RALGAPA2: variants seen among roughly 807,000 people sequenced by gnomAD.
RALGAPA2 encodes ral GTPase-activating protein subunit alpha-2.
Under a neutral mutation model 230.4 loss-of-function variants are expected in RALGAPA2, and 139 were observed. That is an observed-to-expected ratio of 0.60 (90% confidence interval 0.53 to 0.69). RALGAPA2 has a LOEUF of 0.69. Ranked by LOEUF, RALGAPA2 falls within the 30% of genes least tolerant of loss-of-function variation. The probability of loss-of-function intolerance (pLI) is 0.00; values close to 1 mark genes in which losing one functional copy is unlikely to be tolerated. For missense variants in RALGAPA2, 2,163 were observed against 2,276.0 expected (o/e 0.95, Z 1.01); for synonymous variants, 847 against 837.8 (o/e 1.01, Z -0.19).
rs752529993 is a variant in RALGAPA2 at position 20,546,764 on chromosome 20, T to C, written c.3225A>G (p.Ser1075=). ...RFFSLGFPGF[S]MLVGDFITAA... ...CCGTGATGAAGTCCCCCACCAGCATTGAGAAGCCAGGAAAACCCAGGGAGA... is the reference window on the plus strand; with the variant it reads ...CCGTGATGAAGTCCCCCACCAGCATCGAGAAGCCAGGAAAACCCAGGGAGA... Residue 1075 remains serine (S), a synonymous_variant, in exon 24 of 40, where the codon TCA becomes TCG. Coordinates refer to ENST00000202677, the MANE Select transcript of RALGAPA2 (RefSeq NM_020343.4). 2 of 1,611,610 alleles carry C rather than the reference T, an allele frequency of 1.2e-6. No individual in the cohort carries two copies.
At chr20:20,584,536 T>C (rs1171178384) in intron 19 of RALGAPA2, among the ~76,000 whole-genome samples, 1 of 152,206 alleles carries the variant, frequency 6.6e-6, no homozygotes, top group Non-Finnish European at 1.5e-5. Flanking sequence ...TTACTCAAGT[T>C]AGAAGGTAAA....
chr20:20,486,239 ATT>A (rs746713884), intron 36 of RALGAPA2, among the ~76,000 whole-genome samples: 3 of 143,500 alleles, frequency 2.1e-5, no homozygotes, highest in Admixed American at 6.9e-5. Flanking sequence ...GACTTCTATA[ATT>A]TTTTTTTTTT....
chr20:20,455,984 CA>C (rs1176348649), intron 37 of RALGAPA2, among the ~76,000 whole-genome samples: 1 of 152,204 alleles, frequency 6.6e-6, no homozygotes, highest in East Asian at 1.9e-4. Flanking sequence ...TCAAGGAAAT[CA>C]AGTGTAACAG....
chr20:20,710,763 C>T (rs1402095021), intron 1 of RALGAPA2, among the ~76,000 whole-genome samples: 1 of 152,196 alleles, frequency 6.6e-6, no homozygotes, highest in Non-Finnish European at 1.5e-5. Context: ...TCTAGGTTTA[C>T]TTGATTCTGC....
chr20:20,616,235 A>G (rs1568654414), intron 12 of RALGAPA2, 44 bp from the exon 13 acceptor site: 3 of 1,334,844 alleles, frequency 2.2e-6, no homozygotes, highest in Non-Finnish European at 3.0e-6. Context: ...ACTGAACATA[A>G]ACATTTGAAT....
At chr20:20,417,651 G>A (rs909705854) in intron 37 of RALGAPA2, among the ~76,000 whole-genome samples, 5 of 152,132 alleles carry the variant, frequency 3.3e-5, no homozygotes, top group Non-Finnish European at 5.9e-5. Context: ...TTGGGACCAT[G>A]GTTTACTTCA....
chr20:20,615,909 C>T, intron 13 of RALGAPA2, 134 bp downstream of exon 13: 1 of 646,684 alleles, frequency 1.5e-6, no homozygotes, highest in Non-Finnish European at 2.4e-6. Flanking sequence ...TCATAATTCA[C>T]AGAAACTGTT....
chr20:20,561,419 C>CA (rs1461203205), intron 23 of RALGAPA2, among the ~76,000 whole-genome samples: 6 of 152,218 alleles, frequency 3.9e-5, no homozygotes, highest in African/African-American at 1.4e-4. Flanking sequence ...TCCTTTCATA[C>CA]ATACAGTGCC....
intron 10 of RALGAPA2, among the ~76,000 whole-genome samples, chr20:20,624,281 C>G (rs559379579): frequency 1.4e-5 from 2 of 146,998 alleles, no homozygotes; most frequent in South Asian, 4.2e-4. Flanking sequence ...GAGCCAAGAT[C>G]GCACCACTGC....
In RALGAPA2 at chr20:20,511,551, T is replaced by C. The variant is rs968852791; in HGVS notation, c.4857-226A>G. On this transcript the variant is annotated intron_variant, in intron 32 of 39. Coordinates refer to ENST00000202677, the MANE Select transcript of RALGAPA2 (RefSeq NM_020343.4). ...CTACCCAGTGACACAGATGGCTCTT[T>C]GGTGAGTATGTGACTTACATGCATG... Among the ~76,000 whole-genome samples the C allele has an allele frequency of 2.0e-5, 3 of 152,196 alleles. No individual in the cohort carries two copies. In the East Asian group the frequency reaches 5.8e-4, roughly 29 times the overall value.
intron 37 of RALGAPA2, among the ~76,000 whole-genome samples, chr20:20,423,788 CAACAATGT>C (rs1314629837): frequency 1.3e-5 from 2 of 152,192 alleles, no homozygotes; most frequent in East Asian, 3.9e-4. Flanking sequence ...TGACTTTACT[CAACAATGT>C]AACCAAATAA....
At chr20:20,448,596 T>G (rs2060916998) in intron 37 of RALGAPA2, among the ~76,000 whole-genome samples, 1 of 152,208 alleles carries the variant, frequency 6.6e-6, no homozygotes, top group Non-Finnish European at 1.5e-5. Flanking sequence ...GTTACTCCAT[T>G]ATTTTTAATA....
intron 9 of RALGAPA2, among the ~76,000 whole-genome samples, chr20:20,632,014 T>G (rs1215950077): frequency 1.3e-5 from 2 of 151,350 alleles, no homozygotes; most frequent in Admixed American, 6.6e-5. Flanking sequence ...TCCTGGCCCA[T>G]TCACACACCC....
chr20:20,433,169 C>T (rs1026658765), intron 37 of RALGAPA2, among the ~76,000 whole-genome samples: 1 of 152,246 alleles, frequency 6.6e-6, no homozygotes, highest in Admixed American at 6.5e-5. Context: ...AATTGTGTGC[C>T]CAAATTATCT....
chr20:20,426,304 A>C (rs1222226687), intron 37 of RALGAPA2, among the ~76,000 whole-genome samples: 2 of 152,226 alleles, frequency 1.3e-5, no homozygotes, highest in Non-Finnish European at 2.9e-5. Context: ...TGGTCATGAA[A>C]ATTCCCAGGG....
chr20:20,441,951 G>C (rs1047578431), intron 37 of RALGAPA2, among the ~76,000 whole-genome samples: 6 of 152,148 alleles, frequency 3.9e-5, no homozygotes, highest in Non-Finnish European at 8.8e-5. Context: ...AAAATTTACT[G>C]TTTTTCAGAA....
intron 37 of RALGAPA2, among the ~76,000 whole-genome samples, chr20:20,439,125 C>T (rs554928245): frequency 6.6e-6 from 1 of 152,230 alleles, no homozygotes; most frequent in East Asian, 1.9e-4. Flanking sequence ...AGTCACTCTC[C>T]CAATTTATTA....
At chr20:20,706,971 C>T (rs972406632) in intron 1 of RALGAPA2, among the ~76,000 whole-genome samples, 1 of 152,120 alleles carries the variant, frequency 6.6e-6, no homozygotes, top group Admixed American at 6.5e-5. Flanking sequence ...TATATGATAG[C>T]ATTCTATCAT....
intron 37 of RALGAPA2, among the ~76,000 whole-genome samples, chr20:20,470,555 G>A (rs1286632647): frequency 6.6e-6 from 1 of 152,142 alleles, no homozygotes; most frequent in Non-Finnish European, 1.5e-5. Flanking sequence ...ATCTCCCCAA[G>A]GGCTGAGGAG....
Sources: allele counts gnomAD v4.1 joint callset (sites outside exome capture counted in the v4.1 genomes callset), GRCh38; gene constraint gnomAD v4.1.1; transcripts MANE v1.5; gene names NCBI Gene and HGNC (gene_info 2026-07-23, HGNC 2026-07-21).